The following ZNF430 variants were observed in gnomAD, a reference collection of about 807,000 sequenced individuals.
ZNF430 encodes zinc finger protein 430.
Under a neutral mutation model 56.7 loss-of-function variants are expected in ZNF430, and 35 were observed. The ratio of observed to expected loss-of-function variants is 0.62; its 90% CI spans 0.47 to 0.82. The LOEUF (loss-of-function observed/expected upper bound fraction) is 0.82. ZNF430 is among the 40% of genes least tolerant of loss of function. The pLI is 0.00. For missense variants in ZNF430, 574 were observed against 661.0 expected, an observed-to-expected ratio of 0.87 and a Z score of 1.44; for synonymous variants, 212 against 224.3, an observed-to-expected ratio of 0.94 and a Z score of 0.49.
intron 4 of ZNF430, among the ~76,000 whole-genome samples, chr19:21,039,447 C>CTATTTATTTATT (rs71174789): frequency 0.55 from 70,536 of 128,684 alleles, 20,204 homozygotes; most frequent in Middle Eastern, 0.66. Context: ...TTTACTTTTG[C>CTATTTATTTATT]TATTTATTTA....
At chr19:21,056,491 A>C in intron 4 of ZNF430, 140 bp from the exon 5 acceptor site, 2 of 632,634 alleles carry the variant, frequency 3.2e-6, no homozygotes, top group African/African-American at 3.8e-5. Flanking sequence ...TCTGTCTAAA[A>C]AAAAAAAAAA....
chr19:21,042,877 G>A (rs1417680560), intron 4 of ZNF430, among the ~76,000 whole-genome samples: 1 of 152,012 alleles, frequency 6.6e-6, no homozygotes, highest in Non-Finnish European at 1.5e-5. Flanking sequence ...TTTCTCTAAC[G>A]ATCCCTGATG....
At chr19:21,025,523 G>C (rs529815420) in intron 2 of ZNF430, among the ~76,000 whole-genome samples, 1 of 152,072 alleles carries the variant, frequency 6.6e-6, no homozygotes, top group African/African-American at 2.4e-5. Flanking sequence ...ATAGGTCTCA[G>C]CCTCATTTTA....
chr19:21,044,997 A>G (rs932051499), intron 4 of ZNF430, among the ~76,000 whole-genome samples: 1 of 151,638 alleles, frequency 6.6e-6, no homozygotes, highest in African/African-American at 2.4e-5. Context: ...TTAGTGTTCT[A>G]TTTTATTAAT....
chr19:21,025,014 C>T (rs764507316), intron 2 of ZNF430, among the ~76,000 whole-genome samples: 1 of 151,924 alleles, frequency 6.6e-6, no homozygotes, highest in Non-Finnish European at 1.5e-5. Context: ...AGAAAATGTG[C>T]AGAGTTCTTA....
At chr19:21,056,053 C>T (rs1450070898) in intron 4 of ZNF430, among the ~76,000 whole-genome samples, 2 of 152,166 alleles carry the variant, frequency 1.3e-5, no homozygotes, top group Non-Finnish European at 2.9e-5. Flanking sequence ...ATTTAACAGA[C>T]TTTTCTTTTT....
At position 21,054,549 on chromosome 19, in the gene ZNF430, T is replaced by A. The variant is rs1274279839; in HGVS notation, c.323-2082T>A. Among the ~76,000 whole-genome samples the A allele has an allele frequency of 2.6e-5, 4 of 152,224 alleles. No individual in the cohort carries two copies. The East Asian group carries it at 7.7e-4, about 29-fold the overall frequency. On this transcript the variant is annotated intron_variant, in intron 4 of 4. Coordinates refer to ENST00000261560, the MANE Select transcript of ZNF430 (RefSeq NM_025189.4). ...GCTTGCAAATGACATCACTTTTATC[T>A]TGCAGTTTCCAAGAGGCTGTTTTTG...
Position 21,020,658 on chromosome 19 carries a change from T to TC in ZNF430, c.-140dup, listed in dbSNP as rs2144742397. ...GCTTCCGGGTTTGGCGGGGCCTTTG[T>TC]CCCTCGCTGTGGCCTGAGCTCCAGG... is the stretch of plus-strand genomic sequence containing the variant. On this transcript the variant is annotated 5_prime_UTR_variant, in exon 1 of 5. Coordinates refer to ENST00000261560, the MANE Select transcript of ZNF430 (RefSeq NM_025189.4). 13 of 1,269,810 alleles carry TC rather than the reference T, an allele frequency of 1.0e-5. No individual in the cohort carries two copies. In the South Asian group the frequency reaches 1.5e-4, roughly 15 times the overall value. 78.7% of individuals were successfully genotyped at this position (1,269,810 alleles called of 1,614,324 possible).
chr19:21,023,272 G>A (rs529238818), intron 2 of ZNF430, among the ~76,000 whole-genome samples: 1 of 152,254 alleles, frequency 6.6e-6, no homozygotes, highest in South Asian at 2.1e-4. Flanking sequence ...GTGATTGAAT[G>A]GCCTGACTTG....
rs1599511286 is a variant in ZNF430, at chr19:21,057,088, C to G, written c.780C>G (p.Pro260=). Residue 260 remains proline, a synonymous_variant, in exon 5 of 5, where the codon CCC becomes CCG. Coordinates refer to ENST00000261560, the MANE Select transcript of ZNF430 (RefSeq NM_025189.4). ...GAAGAATTCATACTGGAGAGAAACC[C>G]TACAAATGTGAACAATGTGGCAAAG... The part of the protein sequence containing the change: ...RHRRIHTGEK[P]YKCEQCGKAF... The G allele has an allele frequency of 6.2e-7, 1 of 1,614,014 alleles. No individual in the cohort carries two copies. The highest frequency in any genetic ancestry group is 8.5e-7 in the Non-Finnish European group (1 of 1,179,950).
rs1349748060 is a variant in ZNF430 at position 21,059,957 on chromosome 19, AT to A, written c.*1941del. On this transcript the variant is annotated 3_prime_UTR_variant, in exon 5 of 5. Transcript: ENST00000261560. ...GAGTAATATTTTGCGTTGTGAGAAC[AT>A]TTTTAATTTTATTTAAAATTAAATG... 3.9e-5 allele frequency: 6 copies of A among 152,148 alleles called. No individual in the cohort carries two copies. Among genetic ancestry groups the A allele is most frequent in the Admixed American group, 3.3e-4 (5 of 15,264 alleles). The allele number at this position is 152,148 out of a possible 1,614,324, so 9.4% of individuals were successfully genotyped here. A position where few individuals can be genotyped will look rare whatever the true frequency, so the allele number is the denominator to read the frequency against.
At position 21,054,669 on chromosome 19, in the gene ZNF430, C is replaced by CTTTTTTTTTTTTTTTTTTTTTTTTTT. The variant is rs55772412; in HGVS notation, c.323-1938_323-1937insTTTTTTTTTTTTTTTTTTTTTTTTTT. On this transcript the variant is annotated intron_variant, in intron 4 of 4. Coordinates refer to ENST00000261560, the MANE Select transcript of ZNF430 (RefSeq NM_025189.4). ...TTTTTGAGCTTCTTCATTTTTACGTCTTTTTTTTTTTTTTTTTTTTTTTTG... is the reference window on the plus strand; with the variant it reads ...TTTTTGAGCTTCTTCATTTTTACGTCTTTTTTTTTTTTTTTTTTTTTTTTTTTTTTTTTTTTTTTTTTTTTTTTTTG... Among the ~76,000 whole-genome samples the CTTTTTTTTTTTTTTTTTTTTTTTTTT allele has an allele frequency of 4.6e-5, 3 of 65,582 alleles. 1 individual carries two copies. The highest frequency in any genetic ancestry group is 1.9e-4 in the African/African-American group (3 of 15,700). The allele number at this position is 65,582 out of a possible 152,430, so 43.0% of individuals were successfully genotyped here. A position where few individuals can be genotyped will look rare whatever the true frequency, so the allele number is the denominator to read the frequency against.
chr19:21,046,829 T>G (rs984561706), intron 4 of ZNF430, among the ~76,000 whole-genome samples: 2 of 152,168 alleles, frequency 1.3e-5, no homozygotes, highest in Non-Finnish European at 2.9e-5. Context: ...GATCTTCTCA[T>G]GGAGTATCTT....
chr19:21,022,933 T>G (rs755083561), intron 2 of ZNF430, 52 bp downstream of exon 2: 1 of 1,315,392 alleles, frequency 7.6e-7, no homozygotes, highest in Admixed American at 1.7e-5. Context: ...CTTTCATTTC[T>G]TGGAGACACA....
rs766517895 is a variant in ZNF430 at position 21,056,685 on chromosome 19, C to A, written c.377C>A (p.Ser126Tyr). 6.3e-7 allele frequency: 1 copy of A among 1,592,434 alleles called. No individual in the cohort carries two copies. The highest frequency in any genetic ancestry group is 8.6e-7 in the Non-Finnish European group (1 of 1,169,262). The change falls in exon 5 of 5, where the codon TCT (serine) becomes TAT (tyrosine). Residue 126 changes from serine to tyrosine, a missense_variant. Around this residue, in one of 3 missense-constraint regions of ZNF430, gnomAD observed 346 missense variants for 399.1 expected, o/e 0.87. Coordinates refer to ENST00000261560, the MANE Select transcript of ZNF430 (RefSeq NM_025189.4). ...DLWPEQGIKD[S>Y]FQEVILRRYG... is the part of the protein sequence containing the mutation. ...TGGCCAGAGCAGGGCATAAAAGATT[C>A]TTTCCAAGAAGTCATATTGAGAAGA... is the stretch of plus-strand genomic sequence containing the variant.
At position 21,059,828 on chromosome 19, in the gene ZNF430, A is replaced by G. The variant is rs1302394188; in HGVS notation, c.*1807A>G. On this transcript the variant is annotated 3_prime_UTR_variant, in exon 5 of 5. Transcript: ENST00000261560. ...GTGGCCATTATTTATGATCTTTTCTATGAAAGAGTAAGGACATTAAAATGT... is the reference window on the plus strand; with the variant it reads ...GTGGCCATTATTTATGATCTTTTCTGTGAAAGAGTAAGGACATTAAAATGT... 1 of 152,112 alleles carries G rather than the reference A, an allele frequency of 6.6e-6. No individual in the cohort carries two copies. Among genetic ancestry groups the G allele is most frequent in the Non-Finnish European group, 1.5e-5 (1 of 68,024 alleles). The allele number at this position is 152,112 out of a possible 1,614,324, so 9.4% of individuals were successfully genotyped here. A position where few individuals can be genotyped will look rare whatever the true frequency, so the allele number is the denominator to read the frequency against.
chr19:21,033,447 G>GC lies in ZNF430; in HGVS notation c.97-9_97-8insC, dbSNP rs1290403533. ...ATATACGTGTGTCTTGTGTGCTTGT[G>GC]TTTTTCAGGGGCCATTGACATTTAG... is the stretch of plus-strand genomic sequence containing the variant. On this transcript the variant is annotated splice_polypyrimidine_tract_variant and intron_variant, in intron 2 of 4. Coordinates refer to ENST00000261560, the MANE Select transcript of ZNF430 (RefSeq NM_025189.4). 6.2e-7 allele frequency: 1 copy of GC among 1,606,560 alleles called. No homozygotes were observed. Among genetic ancestry groups the GC allele is most frequent in the Non-Finnish European group, 8.5e-7 (1 of 1,176,978 alleles).
intron 4 of ZNF430, 120 bp downstream of exon 4, chr19:21,034,304 A>AT: frequency 2.5e-6 from 2 of 813,808 alleles, no homozygotes; most frequent in Non-Finnish European, 3.8e-6. Flanking sequence ...GGGAAGCCTG[A>AT]GTTTTTTTTT....
intron 4 of ZNF430, chr19:21,036,407 CTT>C (rs1430554257): frequency 1.3e-5 from 2 of 151,904 alleles, no homozygotes; most frequent in Non-Finnish European, 2.9e-5. Context: ...GAGAGAAACA[CTT>C]TTGTAATTTG....
Sources: gnomAD v4.1 joint callset for allele counts (sites outside exome capture counted in the v4.1 genomes callset) on GRCh38, gnomAD v4.1.1 for gene constraint, gnomAD v4.1.1 regional missense constraint, MANE v1.5 for transcripts, NCBI Gene and HGNC (gene_info 2026-07-23, HGNC 2026-07-21) for gene names.